The following DENND5B variants were observed in gnomAD, a reference collection of about 807,000 sequenced individuals.
The protein encoded by DENND5B is DENN domain-containing protein 5B.
In DENND5B, 34 loss-of-function variants were observed where a neutral mutation model predicts 140.6. The observed-to-expected ratio is 0.24, with a 90% confidence interval of 0.18 to 0.32. The LOEUF is 0.32. Ranked by LOEUF, DENND5B falls within the 10% of genes least tolerant of loss-of-function variation. The pLI is 1.00. For missense variants in DENND5B, 1,142 were observed against 1,560.2 expected, an observed-to-expected ratio of 0.73 and a Z score of 4.52; for synonymous variants, 551 against 562.1, an observed-to-expected ratio of 0.98 and a Z score of 0.28.
At chr12:31,443,908 A>G (rs1944162255) in intron 6 of DENND5B, 1 of 152,240 alleles carries the variant, frequency 6.6e-6, no homozygotes, top group African/African-American at 2.4e-5. Context: ...AGAATAAAAT[A>G]GGTGAATGTT....
intron 4 of DENND5B, among the ~76,000 whole-genome samples, chr12:31,456,828 G>A (rs1266441351): frequency 1.3e-5 from 2 of 152,164 alleles, no homozygotes; most frequent in Non-Finnish European, 1.5e-5. Flanking sequence ...GATGATGCTG[G>A]TAATCTTTGG....
chr12:31,447,139 T>C (rs1363199540), intron 6 of DENND5B, among the ~76,000 whole-genome samples: 1 of 151,742 alleles, frequency 6.6e-6, no homozygotes, highest in African/African-American at 2.4e-5. Context: ...GGCGTGATGG[T>C]GCGTGCCTGT....
At chr12:31,421,710 C>T (rs1375522838) in intron 11 of DENND5B, among the ~76,000 whole-genome samples, 3 of 151,962 alleles carry the variant, frequency 2.0e-5, no homozygotes, top group African/African-American at 4.8e-5. Context: ...CCACCATGCC[C>T]GGCTAATTTT....
At chr12:31,517,693 G>C (rs1947716673) in intron 1 of DENND5B, among the ~76,000 whole-genome samples, 1 of 152,126 alleles carries the variant, frequency 6.6e-6, no homozygotes, top group Admixed American at 6.6e-5. Context: ...AACTAGTAGG[G>C]GTGCTTTTAA....
At chr12:31,437,529 A>G (rs1193397162) in intron 7 of DENND5B, among the ~76,000 whole-genome samples, 1 of 152,220 alleles carries the variant, frequency 6.6e-6, no homozygotes, top group Non-Finnish European at 1.5e-5. Flanking sequence ...GATATGTAAT[A>G]ACAAACTGTA....
intron 19 of DENND5B, among the ~76,000 whole-genome samples, chr12:31,391,633 T>C (rs1409363938): frequency 6.6e-6 from 1 of 152,094 alleles, no homozygotes. Flanking sequence ...ACAAAGACAA[T>C]ACTTGATATT....
chr12:31,581,921 C>G (rs1950222004), intron 1 of DENND5B, among the ~76,000 whole-genome samples: 2 of 152,174 alleles, frequency 1.3e-5, no homozygotes, highest in South Asian at 4.1e-4. Context: ...CTCCCGTACA[C>G]TTTAAGTCAC....
At chr12:31,554,901 A>G (rs1949217466) in intron 1 of DENND5B, among the ~76,000 whole-genome samples, 2 of 152,274 alleles carry the variant, frequency 1.3e-5, no homozygotes, top group South Asian at 4.2e-4. Context: ...CTTGGTTTTC[A>G]GCTCCATCAG....
chr12:31,415,334 C>T, intron 12 of DENND5B, 33 bp downstream of exon 12: 4 of 1,505,064 alleles, frequency 2.7e-6, no homozygotes, highest in Non-Finnish European at 9.1e-7. Context: ...AAAGTTATCA[C>T]CACATGCTAA....
intron 1 of DENND5B, among the ~76,000 whole-genome samples, chr12:31,502,993 C>A (rs1947069925): frequency 6.6e-6 from 1 of 152,152 alleles, no homozygotes; most frequent in African/African-American, 2.4e-5. Flanking sequence ...GACCTCTGAG[C>A]AAACATCCAA....
chr12:31,541,497 G>T (rs1166289515), intron 1 of DENND5B, among the ~76,000 whole-genome samples: 1 of 152,144 alleles, frequency 6.6e-6, no homozygotes, highest in Non-Finnish European at 1.5e-5. Context: ...ACTACAATGA[G>T]ATATAATCTC....
In DENND5B at chr12:31,581,480, G is replaced by A. The variant is rs149370181; in HGVS notation, c.127+9226C>T. ...GAGGCGGGCAGATCACCTGAGGTCG[G>A]GAGCCCGAGACCAGCCTGACCAACA... On this transcript the variant is annotated intron_variant, in intron 1 of 20. Coordinates refer to ENST00000389082, the MANE Select transcript of DENND5B (RefSeq NM_144973.4). Among the ~76,000 whole-genome samples the A allele has an allele frequency of 1.3e-3, 191 of 152,048 alleles. 2 individuals are homozygous for A. Among genetic ancestry groups the A allele is most frequent in the African/African-American group, 4.1e-3 (169 of 41,470 alleles).
intron 19 of DENND5B, among the ~76,000 whole-genome samples, chr12:31,389,726 G>A (rs771928560): frequency 6.6e-6 from 1 of 152,056 alleles, no homozygotes; most frequent in Non-Finnish European, 1.5e-5. Context: ...CCAGAAGACT[G>A]GAAAGTTTAC....
chr12:31,582,699 G>C (rs1485086548), intron 1 of DENND5B, among the ~76,000 whole-genome samples: 1 of 152,138 alleles, frequency 6.6e-6, no homozygotes, highest in Admixed American at 6.6e-5. Flanking sequence ...AAACAAGCTA[G>C]GTCAGGTCAT....
intron 8 of DENND5B, among the ~76,000 whole-genome samples, chr12:31,429,659 T>C (rs941865523): frequency 4.6e-5 from 7 of 152,038 alleles, no homozygotes; most frequent in African/African-American, 1.7e-4. Flanking sequence ...TCCACTCAAC[T>C]TGGCCTCCCA....
chr12:31,514,701 C>T (rs527768718), intron 1 of DENND5B, among the ~76,000 whole-genome samples: 1 of 152,082 alleles, frequency 6.6e-6, no homozygotes, highest in South Asian at 2.1e-4. Context: ...CCTGTAATCC[C>T]AGCTACTCGG....
chr12:31,455,070 T>C (rs982605846), intron 4 of DENND5B, among the ~76,000 whole-genome samples: 8 of 152,012 alleles, frequency 5.3e-5, no homozygotes, highest in African/African-American at 1.4e-4. Flanking sequence ...TCCGCCCACC[T>C]TGGCGTCCCA....
rs1338820988 is a variant in DENND5B at position 31,431,570 on chromosome 12, A to G, written c.2106+1585T>C. ...ACCTTAAAGATTCCTCTTGGCACTG[A>G]GATTCTATGTTGATGACTGAATTTT... On this transcript the variant is annotated intron_variant, in intron 8 of 20. Transcript: ENST00000389082. Among the ~76,000 whole-genome samples the G allele has an allele frequency of 9.2e-5, 14 of 152,288 alleles. No homozygotes were observed. In the East Asian group the frequency reaches 2.7e-3, roughly 29 times the overall value.
At chr12:31,590,654 G>A in intron 1 of DENND5B, 52 bp downstream of exon 1, 4 of 1,411,930 alleles carry the variant, frequency 2.8e-6, no homozygotes, top group Non-Finnish European at 3.7e-6. Flanking sequence ...CGTCCCCACA[G>A]CGTCCCCCGC....
Sources: allele counts gnomAD v4.1 joint callset (sites outside exome capture counted in the v4.1 genomes callset), GRCh38; gene constraint gnomAD v4.1.1; transcripts MANE v1.5; gene names NCBI Gene and HGNC (gene_info 2026-07-23, HGNC 2026-07-21).